HLCS: variants seen among roughly 807,000 people sequenced by gnomAD.
HLCS encodes holocarboxylase synthetase.
HLCS carries 53 observed loss-of-function variants against 75.0 expected under a neutral mutation model. The ratio of observed to expected loss-of-function variants is 0.71; its 90% CI spans 0.57 to 0.89. HLCS has a LOEUF of 0.89. HLCS is among the 40% of genes least tolerant of loss of function. HLCS has a pLI of 0.00. For missense variants in HLCS, 966 were observed against 1,074.0 expected (o/e 0.90, Z 1.41); for synonymous variants, 431 against 428.6 (o/e 1.01, Z -0.07).
At chr21:36,965,514 G>A (rs2068519573) in intron 1 of HLCS, among the ~76,000 whole-genome samples, 1 of 152,110 alleles carries the variant, frequency 6.6e-6, no homozygotes, top group South Asian at 2.1e-4. Context: ...GACAGAGTGG[G>A]CTGAACACGT....
Position 36,862,658 on chromosome 21 carries a change from C to T in HLCS, c.1892+34202G>A, listed in dbSNP as rs73212698. ...TACAAGTTCAGAACCTCTCCGCATC[C>T]GTTCCTCTCACCCTCCTGTAATGTG... On this transcript the variant is annotated intron_variant, in intron 6 of 10. Transcript: ENST00000674895. Among the ~76,000 whole-genome samples, 316 of 152,330 alleles carry T rather than the reference C, an allele frequency of 2.1e-3. 1 individual carries two copies. Among genetic ancestry groups the T allele is most frequent in the Middle Eastern group, 0.01 (3 of 294 alleles).
chr21:36,974,368 C>G (rs1327266444), intron 1 of HLCS: 1 of 152,292 alleles, frequency 6.6e-6, no homozygotes, highest in Non-Finnish European at 1.5e-5. Flanking sequence ...CGGCAGGAGG[C>G]AAGGGTGTGT....
At chr21:36,938,754 T>C in intron 3 of HLCS, 78 bp downstream of exon 3, 4 of 1,449,564 alleles carry the variant, frequency 2.8e-6, no homozygotes, top group Non-Finnish European at 3.9e-6. Flanking sequence ...TCCTCCTGCC[T>C]CGGCCTTCCA....
At chr21:36,878,156 T>C (rs1017865847) in intron 6 of HLCS, among the ~76,000 whole-genome samples, 2 of 152,090 alleles carry the variant, frequency 1.3e-5, no homozygotes, top group African/African-American at 4.8e-5. Flanking sequence ...CTGGCCATCA[T>C]TTTTTCAAAT....
chr21:36,881,820 CA>C (rs2064230337), intron 6 of HLCS, among the ~76,000 whole-genome samples: 2 of 152,134 alleles, frequency 1.3e-5, no homozygotes, highest in Non-Finnish European at 2.9e-5. Context: ...CCCATGTGGA[CA>C]GGGGGGCTCT....
intron 5 of HLCS, among the ~76,000 whole-genome samples, chr21:36,928,088 T>A (rs143322231): frequency 6.6e-6 from 1 of 151,996 alleles, no homozygotes; most frequent in Non-Finnish European, 1.5e-5. Flanking sequence ...TACTGACCCA[T>A]AGCACAGTGA....
intron 6 of HLCS, among the ~76,000 whole-genome samples, chr21:36,884,878 G>A (rs2064379789): frequency 6.6e-6 from 1 of 152,262 alleles, no homozygotes; most frequent in Admixed American, 6.5e-5. Flanking sequence ...AGGTTCAGGG[G>A]TCTCAGGAAG....
intron 6 of HLCS, among the ~76,000 whole-genome samples, chr21:36,835,442 G>A (rs1048959651): frequency 7.9e-5 from 12 of 152,156 alleles, no homozygotes; most frequent in African/African-American, 2.9e-4. Flanking sequence ...TGTCAAAGCT[G>A]GACTATGAAG....
upstream of HLCS, among the ~76,000 whole-genome samples, chr21:36,971,268 T>A (rs953755042): frequency 2.0e-5 from 3 of 152,024 alleles, no homozygotes; most frequent in East Asian, 1.9e-4. Context: ...GGCCTCAGAG[T>A]AGCCTTACCC....
chr21:36,937,541 C>T (rs1371136458), intron 3 of HLCS, 149 bp from the exon 4 acceptor site: 2 of 748,224 alleles, frequency 2.7e-6, no homozygotes, highest in Admixed American at 4.1e-5. Context: ...TGCATCCCCC[C>T]TCAACTCGGG....
chr21:36,967,602 C>A (rs767242662), upstream of HLCS, among the ~76,000 whole-genome samples: 1 of 152,222 alleles, frequency 6.6e-6, no homozygotes. Context: ...TGAACAGCTG[C>A]GAAGCACAGC....
At chr21:36,843,884 T>A (rs1486138590) in intron 6 of HLCS, among the ~76,000 whole-genome samples, 1 of 152,064 alleles carries the variant, frequency 6.6e-6, no homozygotes, top group Non-Finnish European at 1.5e-5. Flanking sequence ...GGCATGCACT[T>A]GTAGTACCAG....
intron 6 of HLCS, among the ~76,000 whole-genome samples, chr21:36,779,382 C>T (rs2060460586): frequency 6.6e-6 from 1 of 152,034 alleles, no homozygotes; most frequent in Admixed American, 6.6e-5. Flanking sequence ...TATCCATCTA[C>T]CACCCATCCA....
chr21:36,782,178 T>C (rs2060556452), intron 6 of HLCS, among the ~76,000 whole-genome samples: 1 of 152,186 alleles, frequency 6.6e-6, no homozygotes, highest in African/African-American at 2.4e-5. Context: ...TTCATTGAAA[T>C]GAATTTGAAA....
intron 5 of HLCS, among the ~76,000 whole-genome samples, chr21:36,910,717 G>A (rs985333018): frequency 5.3e-5 from 8 of 152,076 alleles, no homozygotes; most frequent in South Asian, 2.1e-4. Flanking sequence ...GGGTGTCTGC[G>A]TGTGTGCACC....
rs114502409 is a variant in HLCS at position 36,823,027 on chromosome 21, C to T, written c.1893-55742G>A. On this transcript the variant is annotated intron_variant, in intron 6 of 10. Transcript: ENST00000674895. ...TCTTGACCTGTGAGCCTGGACTTCTCGTGTGTGTTAAAGCACCGCCAAATA... is the reference window on the plus strand; with the variant it reads ...TCTTGACCTGTGAGCCTGGACTTCTTGTGTGTGTTAAAGCACCGCCAAATA... 4.3e-3 allele frequency among the ~76,000 whole-genome samples: 653 copies of T among 152,324 alleles called. 4 individuals carry two copies. Among genetic ancestry groups the T allele is most frequent in the African/African-American group, 0.015 (615 of 41,580 alleles).
chr21:36,922,473 C>G (rs1406844281), intron 5 of HLCS, among the ~76,000 whole-genome samples: 1 of 152,196 alleles, frequency 6.6e-6, no homozygotes, highest in Non-Finnish European at 1.5e-5. Context: ...TGTGGCCAAA[C>G]TCGGCATGCT....
At chr21:36,804,946 G>A (rs77880304) in intron 6 of HLCS, among the ~76,000 whole-genome samples, 1 of 152,150 alleles carries the variant, frequency 6.6e-6, no homozygotes, top group African/African-American at 2.4e-5. Context: ...TTGACAAACT[G>A]TCTCTCCATG....
At chr21:36,911,470 C>A (rs1380418666) in intron 5 of HLCS, among the ~76,000 whole-genome samples, 1 of 152,172 alleles carries the variant, frequency 6.6e-6, no homozygotes, top group Admixed American at 6.5e-5. Flanking sequence ...AGAGGCCAGG[C>A]ACAGTGGCTC....
Sources: gnomAD v4.1 joint callset for allele counts (sites outside exome capture counted in the v4.1 genomes callset) on GRCh38, gnomAD v4.1.1 for gene constraint, MANE v1.5 for transcripts, NCBI Gene and HGNC (gene_info 2026-07-23, HGNC 2026-07-21) for gene names.